The following KIRREL3 variants were observed in gnomAD, a reference collection of about 807,000 sequenced individuals.
KIRREL3 encodes kirre like nephrin family adhesion molecule 3.
A neutral mutation model predicts 89.7 loss-of-function variants in KIRREL3; 36 were observed. The ratio of observed to expected loss-of-function variants is 0.40; its 90% CI spans 0.31 to 0.53. KIRREL3 has a LOEUF of 0.53. Ranked by LOEUF, KIRREL3 falls within the 20% of genes least tolerant of loss-of-function variation. KIRREL3 has a pLI of 0.49. For synonymous variants in KIRREL3, 445 were observed against 441.4 expected (o/e 1.01, Z -0.10); for missense variants, 864 against 1,056.6 (o/e 0.82, Z 2.53).
chr11:126,583,214 C>T (rs1360608153), intron 1 of KIRREL3, among the ~76,000 whole-genome samples: 2 of 152,226 alleles, frequency 1.3e-5, no homozygotes, highest in African/African-American at 2.4e-5. Context: ...TCACTGTGGA[C>T]TGTTTCTGAG....
chr11:126,730,688 G>T (rs1423509804), intron 1 of KIRREL3, among the ~76,000 whole-genome samples: 1 of 152,300 alleles, frequency 6.6e-6, no homozygotes, highest in Non-Finnish European at 1.5e-5. Flanking sequence ...CAAAATGGCG[G>T]TAGTCCCCAG....
rs1314334142 is a variant in KIRREL3, at chr11:126,490,297, T to G, written c.434-16831A>C. Among the ~76,000 whole-genome samples the G allele has an allele frequency of 5.3e-5, 8 of 152,270 alleles. No homozygotes were observed. The highest frequency in any genetic ancestry group is 1.9e-4 in the African/African-American group (8 of 41,552). On this transcript the variant is annotated intron_variant, in intron 4 of 16. Transcript: ENST00000525144. The surrounding 1 kb of genome is among the most constrained non-coding windows in gnomAD (Gnocchi z 4.2). ...GTTTATTTTAGACTCCCATTAGCAT[T>G]AATTTGCATTCACTGGACACAGCCG...
At chr11:126,483,032 C>T (rs1444745340) in intron 4 of KIRREL3, among the ~76,000 whole-genome samples, 2 of 152,234 alleles carry the variant, frequency 1.3e-5, no homozygotes, top group Admixed American at 6.5e-5. Flanking sequence ...CAATCCCCTG[C>T]CTTCCTGGGC....
rs927027096 is a variant in KIRREL3 at position 126,905,591 on chromosome 11, C to A, written c.55+94864G>T. Reference sequence around the variant, plus strand: ...TTATCGAACCTGTCCCGCTTGTGACCCACAAGAGCATTGCAAGCCTCATCC... The same window carrying A: ...TTATCGAACCTGTCCCGCTTGTGACACACAAGAGCATTGCAAGCCTCATCC... On this transcript the variant is annotated intron_variant, in intron 1 of 16. Transcript: ENST00000525144. The surrounding 1 kb of genome is among the most constrained non-coding windows in gnomAD (Gnocchi z 5.0). Among the ~76,000 whole-genome samples, 1 of 152,010 alleles carries A rather than the reference C, an allele frequency of 6.6e-6. No individual in the cohort carries two copies. Among genetic ancestry groups the A allele is most frequent in the African/African-American group, 2.4e-5 (1 of 41,374 alleles).
At chr11:126,866,055 G>A (rs989909177) in intron 1 of KIRREL3, among the ~76,000 whole-genome samples, 12 of 152,306 alleles carry the variant, frequency 7.9e-5, no homozygotes, top group African/African-American at 2.9e-4. Flanking sequence ...AAAGCCTGCT[G>A]CAGTGATTTA....
chr11:126,543,070 C>T (rs953831531), intron 2 of KIRREL3, among the ~76,000 whole-genome samples: 4 of 152,156 alleles, frequency 2.6e-5, no homozygotes, highest in African/African-American at 4.8e-5. Context: ...AGATGTCCCC[C>T]GTGAATATAC....
In KIRREL3 at chr11:126,689,951, C is replaced by T. The variant is rs1946815212; in HGVS notation, c.56-127039G>A. ...AGGGATGGGAGTGTGAGAGTTGATGCTTCTTTTAGACCCTATTTGTCTCCC... is the reference window on the plus strand; with the variant it reads ...AGGGATGGGAGTGTGAGAGTTGATGTTTCTTTTAGACCCTATTTGTCTCCC... On this transcript the variant is annotated intron_variant, in intron 1 of 16. Coordinates refer to ENST00000525144, the MANE Select transcript of KIRREL3 (RefSeq NM_032531.4). The surrounding 1 kb of genome is among the most constrained non-coding windows in gnomAD (Gnocchi z 5.2). Among the ~76,000 whole-genome samples, 2 of 152,182 alleles carry T rather than the reference C, an allele frequency of 1.3e-5. No individual in the cohort carries two copies. The highest frequency in any genetic ancestry group is 4.8e-5 in the African/African-American group (2 of 41,442).
In KIRREL3 at chr11:126,454,417, C is replaced by G. The variant is rs561637064; in HGVS notation, c.848+1932G>C. The stretch of plus-strand genomic sequence containing the variant: ...AAACGAAAGTCGAAAGTTGTGTGTC[C>G]TGGTCTCTGGGGCGCCCAACAGGCA... On this transcript the variant is annotated intron_variant, in intron 7 of 16. Transcript: ENST00000525144. This position sits in a 1 kb window ranked among gnomAD's most constrained non-coding sequence, Gnocchi z 5.8. Among the ~76,000 whole-genome samples the G allele has an allele frequency of 1.3e-5, 2 of 152,266 alleles. No individual in the cohort carries two copies. Among genetic ancestry groups the G allele is most frequent in the Middle Eastern group, 3.4e-3 (1 of 294 alleles).
rs1334420763 is a variant in KIRREL3, at chr11:126,610,435, A to G, written c.56-47523T>C. 6.6e-6 allele frequency among the ~76,000 whole-genome samples: 1 copy of G among 152,206 alleles called. No individual in the cohort carries two copies. Among genetic ancestry groups the G allele is most frequent in the Non-Finnish European group, 1.5e-5 (1 of 68,040 alleles). On this transcript the variant is annotated intron_variant, in intron 1 of 16. Transcript: ENST00000525144. This position sits in a 1 kb window ranked among gnomAD's most constrained non-coding sequence, Gnocchi z 4.6. Reference sequence around the variant, plus strand: ...GTTTCCCAAGCAATGCTTCATATTCACAAATGAACACATTAGGCTCAAGGA... The same window carrying G: ...GTTTCCCAAGCAATGCTTCATATTCGCAAATGAACACATTAGGCTCAAGGA...
chr11:126,588,603 T>C (rs955684350), intron 1 of KIRREL3, among the ~76,000 whole-genome samples: 4 of 152,186 alleles, frequency 2.6e-5, no homozygotes, highest in Non-Finnish European at 5.9e-5. Context: ...ACTCCAATCC[T>C]CCTCACTCCA....
At chr11:126,717,477 A>T (rs914950987) in intron 1 of KIRREL3, among the ~76,000 whole-genome samples, 10 of 152,174 alleles carry the variant, frequency 6.6e-5, no homozygotes, top group African/African-American at 9.7e-5. Context: ...CTATTGACTC[A>T]GATGCTTTGA....
rs562550277 is a variant in KIRREL3 at position 126,995,464 on chromosome 11, C to T, written c.55+4991G>A. 3.4e-5 allele frequency: 13 copies of T among 383,510 alleles called. No homozygotes were observed. Among genetic ancestry groups the T allele is most frequent in the Non-Finnish European group, 6.7e-5 (13 of 195,436 alleles). The allele number at this position is 383,510 out of a possible 1,614,324, so 23.8% of individuals were successfully genotyped here. A position where few individuals can be genotyped will look rare whatever the true frequency, so the allele number is the denominator to read the frequency against. ...AAAAAAACGCCTGCACTGTTTTTCA[C>T]CTAAGGTCATCTCGACAATTTACAA... is the stretch of plus-strand genomic sequence containing the variant. On this transcript the variant is annotated intron_variant, in intron 1 of 16. Coordinates refer to ENST00000525144, the MANE Select transcript of KIRREL3 (RefSeq NM_032531.4). The surrounding 1 kb of genome is among the most constrained non-coding windows in gnomAD (Gnocchi z 6.5).
chr11:126,620,713 G>A lies in KIRREL3; in HGVS notation c.56-57801C>T, dbSNP rs79263469. Among the ~76,000 whole-genome samples, 498 of 152,288 alleles carry A rather than the reference G, an allele frequency of 3.3e-3. 1 individual carries two copies. The highest frequency in any genetic ancestry group is 0.011 in the African/African-American group (439 of 41,546). ...TCATTCCCTTGCTGCCTTCTTCAAT[G>A]CTTTTATAGGTCTCTTGATCTCTTC... On this transcript the variant is annotated intron_variant, in intron 1 of 16. Transcript: ENST00000525144. The surrounding 1 kb of genome is among the most constrained non-coding windows in gnomAD (Gnocchi z 4.8).
Position 126,444,987 on chromosome 11 carries a change from G to A in KIRREL3, c.1244C>T (p.Thr415Ile), listed in dbSNP as rs1435082943. ...CCCAGCGAGGGTCTTACCATTGACG[G>A]TCAGGGTCACCTCTCTCTCCCCGGC... is the stretch of plus-strand genomic sequence containing the variant. ...VGAGEREVTL[T>I]VNGPPIISST... The change falls in exon 10 of 17, where the codon ACC becomes ATC. Residue 415 changes from threonine to isoleucine, a missense_variant. Transcript: ENST00000525144. The A allele has an allele frequency of 6.2e-7, 1 of 1,613,698 alleles. No individual in the cohort carries two copies. Among genetic ancestry groups the A allele is most frequent in the Non-Finnish European group, 8.5e-7 (1 of 1,179,792 alleles).
chr11:126,469,216 C>T lies in KIRREL3; in HGVS notation c.591+4093G>A, dbSNP rs373790380. ...TTCAGGCTGCCAGCTCCTGAGCCCA[C>T]GGGGATAATCATCCACCATGTGACA... On this transcript the variant is annotated intron_variant, in intron 5 of 16. Coordinates refer to ENST00000525144, the MANE Select transcript of KIRREL3 (RefSeq NM_032531.4). Among the ~76,000 whole-genome samples, 11 of 152,346 alleles carry T rather than the reference C, an allele frequency of 7.2e-5. No homozygotes were observed. In the South Asian group the frequency reaches 1.2e-3, roughly 17 times the overall value.
intron 1 of KIRREL3, among the ~76,000 whole-genome samples, chr11:126,880,592 A>G (rs1421675001): frequency 1.3e-5 from 2 of 152,016 alleles, no homozygotes; most frequent in East Asian, 1.9e-4. Flanking sequence ...TAATGCAGAA[A>G]CCAAGGTAAC....
In KIRREL3 at chr11:126,686,845, C is replaced by T. The variant is rs1480580857; in HGVS notation, c.56-123933G>A. On this transcript the variant is annotated intron_variant, in intron 1 of 16. Transcript: ENST00000525144. This position sits in a 1 kb window ranked among gnomAD's most constrained non-coding sequence, Gnocchi z 4.7. Reference sequence around the variant, plus strand: ...TCACCCACCTTGGCCTCCCAAAGTGCCAGGATTACAGGTGTGAGCCACCAT... The same window carrying T: ...TCACCCACCTTGGCCTCCCAAAGTGTCAGGATTACAGGTGTGAGCCACCAT... Among the ~76,000 whole-genome samples, 1 of 152,268 alleles carries T rather than the reference C, an allele frequency of 6.6e-6. No homozygotes were observed. Among genetic ancestry groups the T allele is most frequent in the African/African-American group, 2.4e-5 (1 of 41,562 alleles).
intron 1 of KIRREL3, among the ~76,000 whole-genome samples, chr11:126,882,768 A>C (rs1376924783): frequency 6.6e-6 from 1 of 152,168 alleles, no homozygotes; most frequent in Non-Finnish European, 1.5e-5. Flanking sequence ...TTTTGATCCC[A>C]TGCTTGGACT....
In KIRREL3 at chr11:126,496,405, G is replaced by T. The variant is rs1957656848; in HGVS notation, c.434-22939C>A. 6.6e-6 allele frequency among the ~76,000 whole-genome samples: 1 copy of T among 152,238 alleles called. No homozygotes were observed. Among genetic ancestry groups the T allele is most frequent in the East Asian group, 1.9e-4 (1 of 5,176 alleles). ...GAGAGGCTAAGTGATTTGGACAAGG[G>T]TACACAGCTGAAAAATGAAAGGGCC... On this transcript the variant is annotated intron_variant, in intron 4 of 16. Transcript: ENST00000525144. This position sits in a 1 kb window ranked among gnomAD's most constrained non-coding sequence, Gnocchi z 4.9.
Sources: allele counts gnomAD v4.1 joint callset (sites outside exome capture counted in the v4.1 genomes callset), GRCh38; gene constraint gnomAD v4.1.1; non-coding constraint Gnocchi (gnomAD v3.1); transcripts MANE v1.5; gene names NCBI Gene and HGNC (gene_info 2026-07-23, HGNC 2026-07-21).